FBXL4: variants seen among roughly 807,000 people sequenced by gnomAD.
The protein encoded by FBXL4 is F-box/LRR-repeat protein 4.
In FBXL4, 40 loss-of-function variants were observed where a neutral mutation model predicts 58.9. The ratio of observed to expected loss-of-function variants is 0.68; its 90% CI spans 0.53 to 0.88. The LOEUF is 0.88. Among genes scored for constraint, FBXL4 ranks in the 40% least tolerant of loss-of-function variants. The probability of loss-of-function intolerance (pLI) is 0.00; values close to 1 mark genes in which losing one functional copy is unlikely to be tolerated. For synonymous variants in FBXL4, 263 were observed against 265.5 expected (o/e 0.99, Z 0.09); for missense variants, 676 against 734.4 (o/e 0.92, Z 0.92).
At chr6:98,881,405 T>G (rs2128379385) in intron 7 of FBXL4, among the ~76,000 whole-genome samples, 1 of 152,246 alleles carries the variant, frequency 6.6e-6, no homozygotes, top group Admixed American at 6.5e-5. Flanking sequence ...AATTTTTCTT[T>G]TATCAATTAA....
intron 7 of FBXL4, chr6:98,898,586 C>A (rs1771490008): frequency 2.1e-6 from 2 of 946,562 alleles, no homozygotes; most frequent in Non-Finnish European, 2.5e-6. Flanking sequence ...GCCTGGGCAA[C>A]AGAGTGAGAC....
intron 2 of FBXL4, among the ~76,000 whole-genome samples, chr6:98,933,640 A>G (rs949241524): frequency 2.0e-5 from 3 of 152,142 alleles, no homozygotes; most frequent in African/African-American, 7.2e-5. Flanking sequence ...TATTTCTTAC[A>G]TGCTGAAATA....
At chr6:98,902,510 A>G (rs1033837137) in intron 6 of FBXL4, among the ~76,000 whole-genome samples, 1 of 152,164 alleles carries the variant, frequency 6.6e-6, no homozygotes, top group Non-Finnish European at 1.5e-5. Flanking sequence ...AGCTCTTTAT[A>G]CCATAAAACT....
intron 7 of FBXL4, among the ~76,000 whole-genome samples, chr6:98,885,603 A>G (rs1771010815): frequency 6.6e-6 from 1 of 152,168 alleles, no homozygotes; most frequent in Non-Finnish European, 1.5e-5. Flanking sequence ...GATGGCCTTC[A>G]AACTGGGACG....
chr6:98,911,975 A>G (rs195818), intron 5 of FBXL4, among the ~76,000 whole-genome samples: 24,370 of 152,160 alleles, frequency 0.16, 2,267 homozygotes, highest in African/African-American at 0.26. Context: ...ACAGAGAAGT[A>G]CTTAAAGGAG....
chr6:98,946,194 G>T (rs562904996), intron 1 of FBXL4, among the ~76,000 whole-genome samples: 1 of 152,240 alleles, frequency 6.6e-6, no homozygotes, highest in Admixed American at 6.5e-5. Context: ...ATACTAGACC[G>T]TTCAGAAAGT....
intron 5 of FBXL4, 56 bp downstream of exon 5, chr6:98,917,318 A>G: frequency 8.5e-7 from 1 of 1,173,948 alleles, no homozygotes; most frequent in Non-Finnish European, 1.2e-6. Flanking sequence ...TAATATCTAA[A>G]GATTAAAAAT....
At chr6:98,925,111 T>C (rs568145223) in intron 4 of FBXL4, among the ~76,000 whole-genome samples, 2 of 152,276 alleles carry the variant, frequency 1.3e-5, no homozygotes, top group South Asian at 4.1e-4. Flanking sequence ...ATCAGATAGT[T>C]AAAGGAAAAA....
intron 1 of FBXL4, among the ~76,000 whole-genome samples, chr6:98,936,107 C>T: frequency 6.6e-6 from 1 of 152,152 alleles, no homozygotes; most frequent in East Asian, 1.9e-4. Context: ...AAGGACAATA[C>T]ACCTGTCATA....
chr6:98,926,360 T>G, intron 4 of FBXL4, 117 bp downstream of exon 4: 1 of 1,153,066 alleles, frequency 8.7e-7, no homozygotes, highest in Non-Finnish European at 1.2e-6. Context: ...AGGAAAATTT[T>G]CAAAATCAAA....
rs1314815925 is a variant in FBXL4 at position 98,934,148 on chromosome 6, G to A, written c.-191+614C>T. On this transcript the variant is annotated intron_variant, in intron 2 of 9. Coordinates refer to ENST00000369244, the MANE Select transcript of FBXL4 (RefSeq NM_001278716.2). ...TTAAAGAAAGATTCATGAAAGAGAT[G>A]ATTAGAGAGGTAAAAGAAAGCCATT... 2.6e-5 allele frequency among the ~76,000 whole-genome samples: 4 copies of A among 152,130 alleles called. No individual in the cohort carries two copies. The East Asian group carries it at 7.7e-4, about 29-fold the overall frequency.
chr6:98,873,253 C>T lies in FBXL4; in HGVS notation c.*1025G>A, dbSNP rs1770541759. On this transcript the variant is annotated 3_prime_UTR_variant, in exon 10 of 10. Transcript: ENST00000369244. ...GTATATAATATATACATGTACATTA[C>T]ATATAATATAAATGTAATATATAAT... is the stretch of plus-strand genomic sequence containing the variant. 6.8e-6 allele frequency: 1 copy of T among 146,108 alleles called. No homozygotes were observed. 9.1% of individuals were successfully genotyped at this position (146,108 alleles called of 1,614,324 possible).
At chr6:98,930,752 A>G (rs1458967124) in intron 2 of FBXL4, among the ~76,000 whole-genome samples, 2 of 152,220 alleles carry the variant, frequency 1.3e-5, no homozygotes, top group African/African-American at 4.8e-5. Context: ...TCTCAAAAAC[A>G]GACAGACAAC....
chr6:98,912,404 A>C (rs1349411929), intron 5 of FBXL4, among the ~76,000 whole-genome samples: 1 of 152,198 alleles, frequency 6.6e-6, no homozygotes, highest in Non-Finnish European at 1.5e-5. Flanking sequence ...ATGAAGGAAA[A>C]AATGTTAAGG....
At chr6:98,929,121 A>C (rs997690800) in intron 2 of FBXL4, among the ~76,000 whole-genome samples, 4 of 152,208 alleles carry the variant, frequency 2.6e-5, no homozygotes, top group African/African-American at 9.7e-5. Context: ...AAATTATAAA[A>C]ATCTAAAATA....
chr6:98,891,091 A>G (rs3819751), intron 7 of FBXL4, among the ~76,000 whole-genome samples: 1 of 152,224 alleles, frequency 6.6e-6, no homozygotes, highest in African/African-American at 2.4e-5. Context: ...TACAGTTCAA[A>G]TACACAATAT....
chr6:98,914,055 A>G (rs1772221331), intron 5 of FBXL4, among the ~76,000 whole-genome samples: 1 of 152,238 alleles, frequency 6.6e-6, no homozygotes, highest in East Asian at 1.9e-4. Flanking sequence ...CAAATAAACT[A>G]GAAAATATAG....
chr6:98,912,658 A>C (rs913182025), intron 5 of FBXL4, among the ~76,000 whole-genome samples: 13 of 152,280 alleles, frequency 8.5e-5, no homozygotes, highest in Admixed American at 2.6e-4. Context: ...GCCTGCCCTA[A>C]AAGAGCTCCT....
chr6:98,893,294 T>C (rs942502979), intron 7 of FBXL4, among the ~76,000 whole-genome samples: 1 of 152,200 alleles, frequency 6.6e-6, no homozygotes, highest in East Asian at 1.9e-4. Flanking sequence ...AGTTTAACCA[T>C]CAGAAATTTA....
Sources: allele counts gnomAD v4.1 joint callset (sites outside exome capture counted in the v4.1 genomes callset), GRCh38; gene constraint gnomAD v4.1.1; transcripts MANE v1.5; gene names NCBI Gene and HGNC (gene_info 2026-07-23, HGNC 2026-07-21).